The following GRID1 variants were observed in gnomAD, a reference collection of about 807,000 sequenced individuals.
The protein encoded by GRID1 is glutamate ionotropic receptor delta type subunit 1, also known as glutamate receptor ionotropic, delta-1.
Under a neutral mutation model 98.0 loss-of-function variants are expected in GRID1, and 28 were observed. The ratio of observed to expected loss-of-function variants is 0.29; its 90% confidence interval spans 0.21 to 0.39. The LOEUF is 0.39. Ranked by LOEUF, GRID1 falls within the 10% of genes least tolerant of loss-of-function variation. GRID1 has a pLI of 1.00. For missense variants in GRID1, 1,111 were observed against 1,340.5 expected (o/e 0.83, Z 2.67); for synonymous variants, 553 against 538.5 (o/e 1.03, Z -0.37).
At chr10:85,660,894 G>A (rs140789590) in intron 12 of GRID1, among the ~76,000 whole-genome samples, 1 of 152,090 alleles carries the variant, frequency 6.6e-6, no homozygotes, top group East Asian at 1.9e-4. Flanking sequence ...CTAGCTCTGT[G>A]GCCGTGGATA....
At position 86,094,813 on chromosome 10, in the gene GRID1, C is replaced by T. The variant is rs372140671; in HGVS notation, c.726+44006G>A. Among the ~76,000 whole-genome samples the T allele has an allele frequency of 9.3e-5, 14 of 150,808 alleles. No individual in the cohort carries two copies. The South Asian group carries it at 1.1e-3, about 11-fold the overall frequency. Reference sequence around the variant, plus strand: ...GCAATCCCCATCAGAATACCGCCATCGTTCTTCACAGAATTAGAAAAAAAA... The same window carrying T: ...GCAATCCCCATCAGAATACCGCCATTGTTCTTCACAGAATTAGAAAAAAAA... On this transcript the variant is annotated intron_variant, in intron 4 of 15. Transcript: ENST00000327946.
At chr10:86,020,445 G>C (rs140012628) in intron 4 of GRID1, among the ~76,000 whole-genome samples, 140 of 152,324 alleles carry the variant, frequency 9.2e-4, no homozygotes, top group African/African-American at 3.2e-3. Flanking sequence ...TGTGCATATG[G>C]GCACAGCCCC....
intron 14 of GRID1, among the ~76,000 whole-genome samples, chr10:85,613,883 C>A (rs1842761251): frequency 6.6e-6 from 1 of 152,336 alleles, no homozygotes. Context: ...TCTGCCCTCT[C>A]CCACCCTATT....
chr10:85,891,707 T>C (rs1841202334), intron 5 of GRID1, among the ~76,000 whole-genome samples: 1 of 152,178 alleles, frequency 6.6e-6, no homozygotes, highest in African/African-American at 2.4e-5. Flanking sequence ...AAAGCAAGTC[T>C]TGAAACATCA....
At chr10:85,687,441 A>G (rs573763770) in intron 12 of GRID1, among the ~76,000 whole-genome samples, 1 of 152,078 alleles carries the variant, frequency 6.6e-6, no homozygotes, top group East Asian at 1.9e-4. Flanking sequence ...TTGAATTTGT[A>G]TGGTAAGAAT....
chr10:85,699,360 T>C (rs1256129226), intron 12 of GRID1, among the ~76,000 whole-genome samples: 1 of 152,186 alleles, frequency 6.6e-6, no homozygotes, highest in Non-Finnish European at 1.5e-5. Context: ...AGCCTAATTG[T>C]TGAGTTTTAA....
intron 4 of GRID1, among the ~76,000 whole-genome samples, chr10:86,086,467 G>A (rs1419807186): frequency 6.6e-6 from 1 of 152,222 alleles, no homozygotes; most frequent in Non-Finnish European, 1.5e-5. Context: ...CCCTACAGAT[G>A]AGGAAAGCGA....
At chr10:85,634,998 GAAAAAAAAAAAAAAAAAAAAAAAA>G (rs140144576) in intron 13 of GRID1, among the ~76,000 whole-genome samples, 4 of 35,008 alleles carry the variant, frequency 1.1e-4, no homozygotes, top group East Asian at 1.3e-3. Context: ...GAGGAAATCT[GAAAAAAAAAAAAAAAAAAAAAAAA>G]AAAAAAAAAA....
intron 8 of GRID1, among the ~76,000 whole-genome samples, chr10:85,766,070 A>G (rs1842195024): frequency 6.6e-6 from 1 of 152,238 alleles, no homozygotes; most frequent in African/African-American, 2.4e-5. Context: ...CAGCCCTGGC[A>G]TCACAAGTAT....
chr10:86,319,960 T>C (rs917503820), intron 2 of GRID1, among the ~76,000 whole-genome samples: 1 of 152,230 alleles, frequency 6.6e-6, no homozygotes, highest in Non-Finnish European at 1.5e-5. Flanking sequence ...TGCAATTACA[T>C]GTTCAAACCA....
intron 3 of GRID1, among the ~76,000 whole-genome samples, chr10:86,176,924 A>T (rs1181042047): frequency 1.3e-5 from 2 of 152,132 alleles, no homozygotes; most frequent in African/African-American, 2.4e-5. Flanking sequence ...AAAGTAAGAA[A>T]CATCATCCAG....
chr10:85,892,827 A>G (rs1841224829), intron 5 of GRID1, among the ~76,000 whole-genome samples: 3 of 152,112 alleles, frequency 2.0e-5, no homozygotes, highest in Admixed American at 2.0e-4. Flanking sequence ...CAGAAAATTG[A>G]AGAGGAGGAA....
intron 3 of GRID1, among the ~76,000 whole-genome samples, chr10:86,144,566 T>A (rs1845057510): frequency 6.6e-6 from 1 of 152,020 alleles, no homozygotes; most frequent in Admixed American, 6.5e-5. Context: ...TCAGCCTCCA[T>A]GACTCTGCTC....
At chr10:85,934,500 A>G (rs1357781761) in intron 4 of GRID1, among the ~76,000 whole-genome samples, 2 of 151,218 alleles carry the variant, frequency 1.3e-5, no homozygotes, top group Non-Finnish European at 2.9e-5. Flanking sequence ...CCTCCAGGCT[A>G]GCTGTGGATT....
At chr10:86,307,888 T>G (rs533826474) in intron 2 of GRID1, among the ~76,000 whole-genome samples, 2 of 152,364 alleles carry the variant, frequency 1.3e-5, no homozygotes, top group South Asian at 4.1e-4. Flanking sequence ...TGTTGATGTT[T>G]TTGTGCATAT....
chr10:85,621,113 A>G (rs1177510362), intron 13 of GRID1, among the ~76,000 whole-genome samples: 2 of 152,168 alleles, frequency 1.3e-5, no homozygotes, highest in African/African-American at 4.8e-5. Flanking sequence ...CTGGAAGGAG[A>G]TGCAAACCTG....
intron 5 of GRID1, among the ~76,000 whole-genome samples, chr10:85,897,116 A>G (rs566523006): frequency 1.1e-4 from 16 of 152,324 alleles, no homozygotes; most frequent in Middle Eastern, 3.4e-3. Context: ...AGGCTGTTTG[A>G]AAGGATAATT....
At chr10:86,307,357 CCTTAAAAAAG>C (rs1847772428) in intron 2 of GRID1, among the ~76,000 whole-genome samples, 1 of 152,084 alleles carries the variant, frequency 6.6e-6, no homozygotes, top group Non-Finnish European at 1.5e-5. Flanking sequence ...TGGAATTCAG[CCTTAAAAAAG>C]AATTAAATCC....
intron 3 of GRID1, among the ~76,000 whole-genome samples, chr10:86,194,374 T>C (rs1845845129): frequency 6.6e-6 from 1 of 152,076 alleles, no homozygotes; most frequent in South Asian, 2.1e-4. Context: ...GTGGGCAATA[T>C]GGAGCAAAAG....
Sources: allele counts gnomAD v4.1 joint callset (sites outside exome capture counted in the v4.1 genomes callset), GRCh38; gene constraint gnomAD v4.1.1; transcripts MANE v1.5; gene names NCBI Gene and HGNC (gene_info 2026-07-23, HGNC 2026-07-21).